The following NRXN1 variants were observed in gnomAD, a reference collection of about 807,000 sequenced individuals.
NRXN1 encodes neurexin 1.
In NRXN1, 39 loss-of-function variants were observed where a neutral mutation model predicts 150.9. That is an observed-to-expected ratio of 0.26 (90% confidence interval 0.20 to 0.34). The LOEUF (loss-of-function observed/expected upper bound fraction) is 0.34, where lower values mean the gene tolerates loss of function less well. Among genes scored for constraint, NRXN1 ranks in the 10% least tolerant of loss-of-function variants. The probability of loss-of-function intolerance (pLI) is 1.00; values close to 1 mark genes in which losing one functional copy is unlikely to be tolerated. For synonymous variants in NRXN1, 924 were observed against 757.0 expected (o/e 1.22, Z -3.62); for missense variants, 1,815 against 1,949.9 (o/e 0.93, Z 1.30).
chr2:49,965,439 T>C (rs1322482190), intron 21 of NRXN1, among the ~76,000 whole-genome samples: 1 of 152,014 alleles, frequency 6.6e-6, no homozygotes, highest in Non-Finnish European at 1.5e-5. Flanking sequence ...GCTAATTTTT[T>C]GTATTTTTAG....
At chr2:49,974,086 A>C in intron 21 of NRXN1, 1 of 717,108 alleles carries the variant, frequency 1.4e-6, no homozygotes, top group South Asian at 1.5e-5. Context: ...CTCTGAAATC[A>C]ATACTGGTGA....
chr2:50,186,285 G>A (rs540124811), intron 18 of NRXN1, among the ~76,000 whole-genome samples: 1 of 151,952 alleles, frequency 6.6e-6, no homozygotes, highest in Non-Finnish European at 1.5e-5. Flanking sequence ...TTACCAAATT[G>A]GTAAATAAAT....
At chr2:50,196,388 T>A (rs2061768572) in intron 18 of NRXN1, among the ~76,000 whole-genome samples, 1 of 152,272 alleles carries the variant, frequency 6.6e-6, no homozygotes, top group African/African-American at 2.4e-5. Flanking sequence ...CATCAAAAAT[T>A]GTATGGCAAA....
chr2:50,858,022 G>A (rs1002493973), intron 5 of NRXN1, among the ~76,000 whole-genome samples: 1 of 151,842 alleles, frequency 6.6e-6, no homozygotes, highest in Non-Finnish European at 1.5e-5. Flanking sequence ...TTTATTGATG[G>A]GTGAGCATTT....
chr2:50,955,639 C>G (rs974671342), intron 2 of NRXN1, among the ~76,000 whole-genome samples: 1 of 152,118 alleles, frequency 6.6e-6, no homozygotes, highest in Admixed American at 6.6e-5. Flanking sequence ...AGAGGTTAGG[C>G]AACTCATTTA....
intron 8 of NRXN1, among the ~76,000 whole-genome samples, chr2:50,558,727 T>C (rs1197363306): frequency 2.0e-5 from 3 of 152,218 alleles, no homozygotes; most frequent in African/African-American, 7.2e-5. Context: ...TTTTGTTTGT[T>C]TATTTGTTTA....
At chr2:50,307,193 A>C (rs894592769) in intron 17 of NRXN1, among the ~76,000 whole-genome samples, 1 of 152,118 alleles carries the variant, frequency 6.6e-6, no homozygotes, top group African/African-American at 2.4e-5. Context: ...CATTTTGGCC[A>C]GGCTGGTCTC....
chr2:50,707,260 G>T (rs1358768016), intron 5 of NRXN1, among the ~76,000 whole-genome samples: 3 of 152,128 alleles, frequency 2.0e-5, no homozygotes, highest in Non-Finnish European at 4.4e-5. Context: ...CTGTACAAAA[G>T]ACATTCAGGT....
chr2:50,420,778 T>G (rs1433966047), intron 17 of NRXN1, among the ~76,000 whole-genome samples: 1 of 152,062 alleles, frequency 6.6e-6, no homozygotes, highest in Non-Finnish European at 1.5e-5. Context: ...CTCAACCATA[T>G]AACCTTGGTC....
At chr2:50,230,392 ATTAAAT>A in intron 18 of NRXN1, among the ~76,000 whole-genome samples, 1 of 152,256 alleles carries the variant, frequency 6.6e-6, no homozygotes, top group South Asian at 2.1e-4. Flanking sequence ...TGCTGAAGAC[ATTAAAT>A]TTTAGGTACA....
chr2:50,591,492 A>G (rs570949356), intron 8 of NRXN1, among the ~76,000 whole-genome samples: 1 of 152,286 alleles, frequency 6.6e-6, no homozygotes, highest in Non-Finnish European at 1.5e-5. Context: ...TACAGAAAGG[A>G]AAAAGTAAGC....
intron 5 of NRXN1, among the ~76,000 whole-genome samples, chr2:50,628,664 C>A (rs1284685473): frequency 6.6e-6 from 1 of 151,632 alleles, no homozygotes; most frequent in Non-Finnish European, 1.5e-5. Flanking sequence ...AAGAATAAGT[C>A]TACGTCCATT....
Position 50,465,604 on chromosome 2 carries a change from C to T in NRXN1, c.3245-43G>A, listed in dbSNP as rs141468277. On this transcript the variant is annotated intron_variant, in intron 16 of 22. Coordinates refer to ENST00000401669, the MANE Select transcript of NRXN1 (RefSeq NM_001330078.2). ...GGAAACTTGGGTTCTTTAAAAGAAT[C>T]CAAAAGCATTTTATACATGAGCTAG... 182 of 1,549,196 alleles carry T rather than the reference C, an allele frequency of 1.2e-4. No homozygotes were observed. In the African/African-American group the frequency reaches 1.8e-3, roughly 16 times the overall value.
At chr2:50,806,107 T>C (rs185621234) in intron 5 of NRXN1, among the ~76,000 whole-genome samples, 1 of 152,330 alleles carries the variant, frequency 6.6e-6, no homozygotes, top group East Asian at 1.9e-4. Flanking sequence ...TTCCTTGCTA[T>C]ACATAATCTG....
chr2:50,907,181 A>G (rs1683827737), intron 5 of NRXN1, among the ~76,000 whole-genome samples: 1 of 149,848 alleles, frequency 6.7e-6, no homozygotes, highest in Non-Finnish European at 1.5e-5. Context: ...AAAAAACCAA[A>G]AAACCAAAAA....
chr2:50,423,165 T>C (rs2084135540), intron 17 of NRXN1, among the ~76,000 whole-genome samples: 2 of 152,180 alleles, frequency 1.3e-5, no homozygotes, highest in African/African-American at 4.8e-5. Context: ...AAGCCTTCTC[T>C]CACCTGGAAT....
intron 5 of NRXN1, among the ~76,000 whole-genome samples, chr2:50,906,894 C>T (rs1457984411): frequency 6.6e-6 from 1 of 151,986 alleles, no homozygotes; most frequent in African/African-American, 2.4e-5. Context: ...GTATGGCACC[C>T]TGGCATGCTG....
intron 12 of NRXN1, among the ~76,000 whole-genome samples, chr2:50,521,066 T>C (rs1226364589): frequency 1.3e-5 from 2 of 152,146 alleles, no homozygotes; most frequent in Non-Finnish European, 2.9e-5. Context: ...TAGAAGTTCA[T>C]ACTTATTTAC....
At chr2:50,147,532 G>A (rs1441514813) in intron 18 of NRXN1, among the ~76,000 whole-genome samples, 2 of 151,720 alleles carry the variant, frequency 1.3e-5, no homozygotes, top group African/African-American at 2.4e-5. Context: ...AACAGACAGC[G>A]TCTCTGCAGA....
Sources: gnomAD v4.1 joint callset for allele counts (sites outside exome capture counted in the v4.1 genomes callset) on GRCh38, gnomAD v4.1.1 for gene constraint, MANE v1.5 for transcripts, NCBI Gene and HGNC (gene_info 2026-07-23, HGNC 2026-07-21) for gene names.